Variants in CHST8 observed in about 807,000 individuals in gnomAD.
CHST8 encodes the protein carbohydrate sulfotransferase 8.
A neutral mutation model predicts 15.0 loss-of-function variants in CHST8; 10 were observed. The ratio of observed to expected loss-of-function variants is 0.67; its 90% CI spans 0.41 to 1.13. CHST8 has a LOEUF of 1.13. CHST8 is among the 50% of genes most tolerant of loss of function. The pLI, the probability that CHST8 is intolerant of heterozygous loss-of-function variation, is 0.00. For synonymous variants in CHST8, 259 were observed against 256.6 expected, an observed-to-expected ratio of 1.01 and a Z score of -0.09; for missense variants, 634 against 608.2, an observed-to-expected ratio of 1.04 and a Z score of -0.45.
chr19:33,651,353 G>C (rs1383106313), intron 1 of CHST8, among the ~76,000 whole-genome samples: 1 of 145,824 alleles, frequency 6.9e-6, no homozygotes, highest in Non-Finnish European at 1.5e-5. Flanking sequence ...TGTATCTATG[G>C]GATGAGATCT....
intron 3 of CHST8, among the ~76,000 whole-genome samples, chr19:33,755,347 C>A (rs147987176): frequency 6.6e-6 from 1 of 152,244 alleles, no homozygotes; most frequent in Non-Finnish European, 1.5e-5. Flanking sequence ...GTAAGCATCC[C>A]CCATGTGATT....
chr19:33,744,268 G>A (rs1974266553), intron 3 of CHST8: 2 of 152,238 alleles, frequency 1.3e-5, no homozygotes. Flanking sequence ...TTTAACCGTA[G>A]TTATTGGTCT....
chr19:33,747,229 C>A (rs1974331615), intron 3 of CHST8, among the ~76,000 whole-genome samples: 1 of 152,204 alleles, frequency 6.6e-6, no homozygotes, highest in Admixed American at 6.5e-5. Flanking sequence ...AGGTGCCCCA[C>A]TCAGACACAC....
chr19:33,707,494 T>G (rs1334622413), intron 3 of CHST8, among the ~76,000 whole-genome samples: 1 of 152,240 alleles, frequency 6.6e-6, no homozygotes, highest in Non-Finnish European at 1.5e-5. Flanking sequence ...ACATTTCATA[T>G]CAATGTAATC....
chr19:33,641,611 G>A (rs1273983131), intron 1 of CHST8, among the ~76,000 whole-genome samples: 1 of 152,142 alleles, frequency 6.6e-6, no homozygotes, highest in Non-Finnish European at 1.5e-5. Flanking sequence ...GAAGGGGGCT[G>A]GTAAAGTAGG....
At chr19:33,695,821 C>CTTTCTTTCTTTCTTTCTTT (rs57718433) in intron 3 of CHST8, among the ~76,000 whole-genome samples, 4 of 76,238 alleles carry the variant, frequency 5.2e-5, no homozygotes, top group African/African-American at 1.2e-4. Context: ...TTCTTTCTTT[C>CTTTCTTTCTTTCTTTCTTT]TTTTTTTTTT....
At chr19:33,708,840 T>C (rs1320411641) in intron 3 of CHST8, among the ~76,000 whole-genome samples, 3 of 152,264 alleles carry the variant, frequency 2.0e-5, no homozygotes, top group Non-Finnish European at 2.9e-5. Context: ...CTTAACAATA[T>C]TGAATCTTAC....
chr19:33,709,875 TGTTGCCCA>T (rs1381895001), intron 3 of CHST8, among the ~76,000 whole-genome samples: 1 of 152,168 alleles, frequency 6.6e-6, no homozygotes, highest in Non-Finnish European at 1.5e-5. Context: ...GTTTTGCTAT[TGTTGCCCA>T]GGCTGGCCTC....
At position 33,772,965 on chromosome 19, in the gene CHST8, G is replaced by A; in HGVS notation, c.1177G>A (p.Ala393Thr). 2 of 1,613,572 alleles carry A rather than the reference G, an allele frequency of 1.2e-6. No individual in the cohort carries two copies. Among genetic ancestry groups the A allele is most frequent in the East Asian group, 2.2e-5 (1 of 44,882 alleles). The change falls in exon 5 of 5, where the codon GCC becomes ACC. Residue 393 changes from alanine to threonine, a missense_variant. Coordinates refer to ENST00000650847, the MANE Select transcript of CHST8 (RefSeq NM_001127895.2). ...TTARIAHQYF[A>T]QLSALQRQRT... ...AGCGAGGATCGCCCACCAGTACTTC[G>A]CCCAACTCTCGGCCCTGCAAAGGCA...
intron 3 of CHST8, among the ~76,000 whole-genome samples, chr19:33,759,648 A>G (rs1974677605): frequency 6.6e-6 from 1 of 151,982 alleles, no homozygotes; most frequent in South Asian, 2.1e-4. Context: ...CCTCTCCTCC[A>G]ACTGCCCTCT....
chr19:33,772,756 G>C lies in CHST8; in HGVS notation c.968G>C (p.Gly323Ala). The part of the protein sequence containing the change: ...QYLLDVHRPV[G>A]MDIHWDHVSR... ...CTGCTGGACGTGCACCGGCCCGTGG[G>C]GATGGACATTCACTGGGACCATGTC... Residue 323 changes from glycine to alanine, a missense_variant, in exon 5 of 5, where the codon GGG becomes GCG. Gly to Ala is a moderately conservative substitution (Grantham distance 60). Coordinates refer to ENST00000650847, the MANE Select transcript of CHST8 (RefSeq NM_001127895.2). 1 of 1,613,444 alleles carries C rather than the reference G, an allele frequency of 6.2e-7. No individual in the cohort carries two copies. The highest frequency in any genetic ancestry group is 1.1e-5 in the South Asian group (1 of 91,086).
chr19:33,771,514 G>A lies in CHST8; in HGVS notation c.168+64G>A, dbSNP rs60463284. 10,709 of 1,522,954 alleles carry A rather than the reference G, an allele frequency of 7.0e-3. 614 individuals carry two copies. In the African/African-American group the frequency reaches 0.13, roughly 18 times the overall value. 94.3% of individuals were successfully genotyped at this position (1,522,954 alleles called of 1,614,324 possible). ...CCCTTGGGAAACTGGGGAGGGCTGGGAAGAAAATTAGGAGCTCACATTGGA... is the reference window on the plus strand; with the variant it reads ...CCCTTGGGAAACTGGGGAGGGCTGGAAAGAAAATTAGGAGCTCACATTGGA... On this transcript the variant is annotated intron_variant, in intron 4 of 4. Coordinates refer to ENST00000650847, the MANE Select transcript of CHST8 (RefSeq NM_001127895.2).
intron 2 of CHST8, among the ~76,000 whole-genome samples, chr19:33,686,194 C>CT (rs1310501576): frequency 6.6e-6 from 1 of 152,050 alleles, no homozygotes; most frequent in East Asian, 1.9e-4. Flanking sequence ...AAGGCAGGGT[C>CT]TTTGAAAGGG....
intron 1 of CHST8, among the ~76,000 whole-genome samples, chr19:33,625,132 C>A (rs1392053448): frequency 6.6e-6 from 1 of 151,456 alleles, no homozygotes; most frequent in African/African-American, 2.4e-5. Context: ...GTTGCCCAGG[C>A]TAGAGTGCAA....
intron 3 of CHST8, among the ~76,000 whole-genome samples, chr19:33,696,842 G>GTT (rs554321176): frequency 7.4e-4 from 105 of 141,958 alleles, no homozygotes; most frequent in East Asian, 3.3e-3. Context: ...TGTTTTTTAA[G>GTT]TTTTTTTTTT....
chr19:33,640,218 G>A (rs1396129114), intron 1 of CHST8, among the ~76,000 whole-genome samples: 7 of 152,174 alleles, frequency 4.6e-5, no homozygotes, highest in South Asian at 4.1e-4. Flanking sequence ...GGGTGACCAC[G>A]GCCAGGATCT....
At position 33,765,070 on chromosome 19, in the gene CHST8, A is replaced by ATATATATATG. The variant is rs71181381; in HGVS notation, c.131-6340_131-6339insATATATGTAT. ...TATTCCATCATATATATATATATAT[A>ATATATATATG]TATCAGAGTTTCTTTATCCACTCGT... On this transcript the variant is annotated intron_variant, in intron 3 of 4. Transcript: ENST00000650847. Among the ~76,000 whole-genome samples, 824 of 113,204 alleles carry ATATATATATG rather than the reference A, an allele frequency of 7.3e-3. 123 individuals are homozygous for ATATATATATG. The highest frequency in any genetic ancestry group is 0.032 in the African/African-American group (757 of 23,838). 74.3% of individuals were successfully genotyped at this position (113,204 alleles called of 152,430 possible).
At chr19:33,661,700 A>C (rs1051915120) in intron 1 of CHST8, among the ~76,000 whole-genome samples, 10 of 152,106 alleles carry the variant, frequency 6.6e-5, no homozygotes, top group African/African-American at 1.2e-4. Context: ...GCTGCCTCTC[A>C]TCTGTTCTTC....
intron 1 of CHST8, among the ~76,000 whole-genome samples, chr19:33,637,078 G>A (rs1972214327): frequency 6.6e-6 from 1 of 152,208 alleles, no homozygotes; most frequent in Non-Finnish European, 1.5e-5. Flanking sequence ...TGTTGCCATG[G>A]CATTTGTAAA....
Sources: gnomAD v4.1 joint callset for allele counts (sites outside exome capture counted in the v4.1 genomes callset) on GRCh38, gnomAD v4.1.1 for gene constraint, MANE v1.5 for transcripts, NCBI Gene and HGNC (gene_info 2026-07-23, HGNC 2026-07-21) for gene names.